Variants in EPHA6 observed in about 807,000 individuals in gnomAD.
EPHA6 encodes ephrin type-A receptor 6.
In EPHA6, 50 loss-of-function variants were observed where a neutral mutation model predicts 112.0. That is an observed-to-expected ratio of 0.45 (90% CI 0.36 to 0.56). The LOEUF (loss-of-function observed/expected upper bound fraction) is 0.56. Ranked by LOEUF, EPHA6 falls within the 20% of genes least tolerant of loss-of-function variation. The pLI is 0.00. For missense variants in EPHA6, 1,280 were observed against 1,417.4 expected, an observed-to-expected ratio of 0.90 and a Z score of 1.56; for synonymous variants, 529 against 490.7, an observed-to-expected ratio of 1.08 and a Z score of -1.03.
intron 11 of EPHA6, among the ~76,000 whole-genome samples, chr3:97,544,913 T>C (rs981949042): frequency 2.6e-5 from 4 of 152,026 alleles, no homozygotes; most frequent in African/African-American, 7.2e-5. Flanking sequence ...TGGTAGTTTG[T>C]ATTTCTGTGG....
intron 3 of EPHA6, among the ~76,000 whole-genome samples, chr3:97,126,018 A>T (rs2048173084): frequency 6.6e-6 from 1 of 152,220 alleles, no homozygotes; most frequent in African/African-American, 2.4e-5. Flanking sequence ...CTTATTCAAG[A>T]TCAAATGGCA....
At chr3:97,161,837 T>C (rs1448824422) in intron 3 of EPHA6, among the ~76,000 whole-genome samples, 1 of 152,194 alleles carries the variant, frequency 6.6e-6, no homozygotes, top group Admixed American at 6.5e-5. Flanking sequence ...ATCAATGTAA[T>C]GGACCAATGT....
intron 10 of EPHA6, among the ~76,000 whole-genome samples, chr3:97,522,493 A>G (rs7626905): frequency 0.094 from 14,375 of 152,166 alleles, 1,032 homozygotes; most frequent in Non-Finnish European, 0.14. Flanking sequence ...CATCAAGGAT[A>G]TAGGCTTGTA....
At chr3:96,874,204 G>A (rs1026159862) in intron 2 of EPHA6, among the ~76,000 whole-genome samples, 1 of 152,096 alleles carries the variant, frequency 6.6e-6, no homozygotes, top group Non-Finnish European at 1.5e-5. Flanking sequence ...TGTTTAAAAG[G>A]ATACATAGTT....
At position 96,829,949 on chromosome 3, in the gene EPHA6, G is replaced by GCACACACACACA. The variant is rs67227502; in HGVS notation, c.385+14970_385+14981dup. On this transcript the variant is annotated intron_variant, in intron 1 of 17. Transcript: ENST00000389672. ...CATGCACGTGCATGTGCGCGCGCGC[G>GCACACACACACA]CACACACACACACACACACACACAC... 1.6e-3 allele frequency among the ~76,000 whole-genome samples: 224 copies of GCACACACACACA among 136,064 alleles called. 1 individual carries two copies. The highest frequency in any genetic ancestry group is 4.0e-3 in the South Asian group (17 of 4,286). The allele number at this position is 136,064 out of a possible 152,430, so 89.3% of individuals were successfully genotyped here.
intron 13 of EPHA6, among the ~76,000 whole-genome samples, chr3:97,630,280 G>C (rs2093891810): frequency 6.6e-6 from 1 of 151,796 alleles, no homozygotes; most frequent in Admixed American, 6.6e-5. Flanking sequence ...ATCTTTGAAG[G>C]ATTTATTAAG....
chr3:97,221,086 C>A (rs1049153715), intron 3 of EPHA6, among the ~76,000 whole-genome samples: 1 of 151,876 alleles, frequency 6.6e-6, no homozygotes, highest in Non-Finnish European at 1.5e-5. Flanking sequence ...GAGGCCAAGG[C>A]AGGCGGATCA....
intron 5 of EPHA6, among the ~76,000 whole-genome samples, chr3:97,273,339 C>T (rs751409722): frequency 1.4e-4 from 21 of 152,132 alleles, no homozygotes; most frequent in Admixed American, 5.9e-4. Flanking sequence ...CAGTATAAAC[C>T]GGCAGTGTAA....
At chr3:97,610,913 C>T in intron 13 of EPHA6, 59 bp downstream of exon 13, 1 of 1,319,672 alleles carries the variant, frequency 7.6e-7, no homozygotes, top group Non-Finnish European at 1.1e-6. Context: ...ATATTTAAAT[C>T]ATTTATCATA....
intron 3 of EPHA6, among the ~76,000 whole-genome samples, chr3:97,074,116 G>A (rs146714125): frequency 2.0e-5 from 3 of 151,938 alleles, no homozygotes; most frequent in South Asian, 4.2e-4. Flanking sequence ...ACACCACGTT[G>A]CATTTATGGG....
chr3:97,562,540 C>T (rs932589241), intron 11 of EPHA6, among the ~76,000 whole-genome samples: 1 of 152,144 alleles, frequency 6.6e-6, no homozygotes, highest in African/African-American at 2.4e-5. Context: ...CAAGGAGTTA[C>T]TTCTATGGAT....
intron 1 of EPHA6, among the ~76,000 whole-genome samples, chr3:96,830,754 G>A (rs1220266863): frequency 2.0e-5 from 3 of 151,532 alleles, no homozygotes; most frequent in Admixed American, 2.0e-4. Context: ...AGATTATTTG[G>A]AGAACAATTC....
chr3:96,877,497 C>T (rs1559793475), intron 2 of EPHA6, among the ~76,000 whole-genome samples: 1 of 151,884 alleles, frequency 6.6e-6, no homozygotes, highest in Non-Finnish European at 1.5e-5. Context: ...GAATTATTCA[C>T]CCCAGGTGGT....
intron 5 of EPHA6, among the ~76,000 whole-genome samples, chr3:97,264,701 G>A (rs901090594): frequency 6.6e-6 from 1 of 152,216 alleles, no homozygotes; most frequent in African/African-American, 2.4e-5. Flanking sequence ...GAAGAATGAG[G>A]TACACAGACA....
chr3:96,946,612 G>A (rs2041274655), intron 2 of EPHA6, among the ~76,000 whole-genome samples: 1 of 152,034 alleles, frequency 6.6e-6, no homozygotes, highest in Admixed American at 6.6e-5. Context: ...CTTTACTATT[G>A]TGAATAGTGC....
chr3:97,188,114 A>AT (rs1371868381), intron 3 of EPHA6, among the ~76,000 whole-genome samples: 1 of 152,054 alleles, frequency 6.6e-6, no homozygotes, highest in Non-Finnish European at 1.5e-5. Context: ...GAAGTTTCTT[A>AT]TTTTTCCAGG....
chr3:97,007,391 T>G (rs1029638711), intron 3 of EPHA6, among the ~76,000 whole-genome samples: 1 of 152,110 alleles, frequency 6.6e-6, no homozygotes, highest in Non-Finnish European at 1.5e-5. Context: ...CTCTGTTGGT[T>G]TAAAGTCTGT....
At chr3:97,668,944 A>C (rs911165178) in intron 14 of EPHA6, among the ~76,000 whole-genome samples, 7 of 147,250 alleles carry the variant, frequency 4.8e-5, no homozygotes, top group Admixed American at 1.4e-4. Context: ...AAAAAAAAAA[A>C]TCCACTAAGT....
chr3:96,980,076 T>G (rs1322883819), intron 2 of EPHA6, among the ~76,000 whole-genome samples: 4 of 152,224 alleles, frequency 2.6e-5, no homozygotes, highest in Admixed American at 6.5e-5. Flanking sequence ...TTTGTCAATT[T>G]TGGCTTTTGT....
Sources: gnomAD v4.1 joint callset for allele counts (sites outside exome capture counted in the v4.1 genomes callset) on GRCh38, gnomAD v4.1.1 for gene constraint, MANE v1.5 for transcripts, NCBI Gene and HGNC (gene_info 2026-07-23, HGNC 2026-07-21) for gene names.